The following CTDNEP1 variants were observed in gnomAD, a reference collection of about 807,000 sequenced individuals.
CTDNEP1 encodes CTD nuclear envelope phosphatase 1.
A neutral mutation model predicts 30.1 loss-of-function variants in CTDNEP1; 3 were observed. The ratio of observed to expected loss-of-function variants is 0.10; its 90% CI spans 0.05 to 0.26. The LOEUF (loss-of-function observed/expected upper bound fraction) is 0.26, where lower values mean the gene tolerates loss of function less well. Ranked by LOEUF, CTDNEP1 falls within the 10% of genes least tolerant of loss-of-function variation. The pLI is 1.00. For synonymous variants in CTDNEP1, 123 were observed against 118.8 expected, an observed-to-expected ratio of 1.04 and a Z score of -0.23; for missense variants, 158 against 310.4, an observed-to-expected ratio of 0.51 and a Z score of 3.69.
At position 7,251,393 on chromosome 17, in the gene CTDNEP1, G is replaced by T. The variant is rs1303237542; in HGVS notation, c.-97C>A. ...CCCGCCGCCGGGAGGGGGAACGGGG[G>T]CCCCGAGTGGCAGGAGAGGCTGCAG... On this transcript the variant is annotated 5_prime_UTR_variant, in exon 1 of 8. Coordinates refer to ENST00000574322, the MANE Select transcript of CTDNEP1 (RefSeq NM_001143775.2). 1.3e-6 allele frequency: 1 copy of T among 765,070 alleles called. No individual in the cohort carries two copies. The highest frequency in any genetic ancestry group is 1.9e-6 in the Non-Finnish European group (1 of 531,028). The allele number at this position is 765,070 out of a possible 1,614,324, so 47.4% of individuals were successfully genotyped here. A position where few individuals can be genotyped will look rare whatever the true frequency, so the allele number is the denominator to read the frequency against.
rs964014580 is a variant in CTDNEP1 at position 7,244,634 on chromosome 17, G to A, written c.591C>T (p.Asp197=). Residue 197 remains aspartate, a splice_region_variant and synonymous_variant, in exon 7 of 8, where the codon GAC becomes GAT. Transcript: ENST00000574322. The part of the protein sequence containing the change: ...NSPGAYRSHP[D]NAIPIKSWFS... ...ACCAGGATTTGATGGGGATGGCATT[G>A]TCTAGGGTGGGTGAAAATGCAGATG... is the stretch of plus-strand genomic sequence containing the variant. 6.3e-7 allele frequency: 1 copy of A among 1,585,328 alleles called. No homozygotes were observed. The highest frequency in any genetic ancestry group is 8.6e-7 in the Non-Finnish European group (1 of 1,169,052).
chr17:7,250,105 C>T (rs978038730), intron 1 of CTDNEP1, among the ~76,000 whole-genome samples: 1 of 152,044 alleles, frequency 6.6e-6, no homozygotes, highest in Admixed American at 6.6e-5. Flanking sequence ...CAAGGCCAGA[C>T]CCATTCTCCC....
chr17:7,244,268 T>C, intron 7 of CTDNEP1, 23 bp from the exon 8 acceptor site: 1 of 1,613,300 alleles, frequency 6.2e-7, no homozygotes, highest in Non-Finnish European at 8.5e-7. Flanking sequence ...TAACTTGCAT[T>C]GGTAGAGTAC....
chr17:7,248,809 G>A (rs1232182075), intron 1 of CTDNEP1, among the ~76,000 whole-genome samples: 2 of 152,188 alleles, frequency 1.3e-5, no homozygotes, highest in Non-Finnish European at 2.9e-5. Flanking sequence ...AGTAGGAGTC[G>A]GGAGGAGATC....
intron 6 of CTDNEP1, chr17:7,244,923 C>G: frequency 3.4e-6 from 1 of 297,256 alleles, no homozygotes; most frequent in Non-Finnish European, 6.4e-6. Flanking sequence ...TTTGAGAGGC[C>G]GAGGTGGGAG....
chr17:7,248,362 CTTTTTT>C (rs796375773), intron 1 of CTDNEP1, among the ~76,000 whole-genome samples: 9 of 94,372 alleles, frequency 9.5e-5, no homozygotes, highest in Non-Finnish European at 1.8e-4. Flanking sequence ...CTTTTTTTTT[CTTTTTT>C]TTTTTTTTGA....
chr17:7,243,895 T>C lies in CTDNEP1; in HGVS notation c.*290A>G. 5 of 1,255,832 alleles carry C rather than the reference T, an allele frequency of 4.0e-6. No homozygotes were observed. The highest frequency in any genetic ancestry group is 5.1e-6 in the Non-Finnish European group (5 of 983,542). 77.8% of individuals were successfully genotyped at this position (1,255,832 alleles called of 1,614,324 possible). A position where few individuals can be genotyped will look rare whatever the true frequency, so the allele number is the denominator to read the frequency against. On this transcript the variant is annotated 3_prime_UTR_variant, in exon 8 of 8. Coordinates refer to ENST00000574322, the MANE Select transcript of CTDNEP1 (RefSeq NM_001143775.2). The stretch of plus-strand genomic sequence containing the variant: ...ACCGTATGTCTGTCACTCTGGCCAG[T>C]CCTGCCTCTTCACAAACACTGATTC...
Position 7,246,931 on chromosome 17 carries a change from C to G in CTDNEP1, c.289-69G>C. On this transcript the variant is annotated intron_variant, in intron 3 of 7. Coordinates refer to ENST00000574322, the MANE Select transcript of CTDNEP1 (RefSeq NM_001143775.2). This position sits in a 1 kb window ranked among gnomAD's most constrained non-coding sequence, Gnocchi z 4.9. ...AACCCAGGCCTAGAAAACGCCCCAC[C>G]CATCTGCTTCCCTCCTCCAGGCTGA... The G allele has an allele frequency of 6.8e-7, 1 of 1,465,364 alleles. No homozygotes were observed. The highest frequency in any genetic ancestry group is 9.5e-7 in the Non-Finnish European group (1 of 1,047,410). 90.8% of individuals were successfully genotyped at this position (1,465,364 alleles called of 1,614,324 possible).
intron 1 of CTDNEP1, among the ~76,000 whole-genome samples, chr17:7,249,637 G>A (rs2071886842): frequency 6.6e-6 from 1 of 152,210 alleles, no homozygotes; most frequent in Non-Finnish European, 1.5e-5. Context: ...ACCGCTGGAG[G>A]CCGGGTGCAG....
upstream of CTDNEP1, chr17:7,251,955 G>C (rs1015452335): frequency 1.3e-5 from 2 of 159,008 alleles, no homozygotes; most frequent in African/African-American, 4.8e-5. Flanking sequence ...TCTGACAGGC[G>C]CCATTTTACC....
Position 7,244,392 on chromosome 17 carries a change from G to A in CTDNEP1, c.675-147C>T, listed in dbSNP as rs564262514. On this transcript the variant is annotated intron_variant, in intron 7 of 7. Transcript: ENST00000574322. ...GGTTCAATTTGCCCACAGCCTACTA[G>A]CTAAAGTGATGAGCTTTGAAGTAAG... The A allele has an allele frequency of 1.4e-5, 17 of 1,198,456 alleles. 1 individual carries two copies. The South Asian group carries it at 1.9e-4, about 14-fold the overall frequency. 74.2% of individuals were successfully genotyped at this position (1,198,456 alleles called of 1,614,324 possible).
chr17:7,244,780 T>C, intron 6 of CTDNEP1, 145 bp from the exon 7 acceptor site: 1 of 626,702 alleles, frequency 1.6e-6, no homozygotes, highest in South Asian at 2.0e-5. Context: ...ACTTTCCTGG[T>C]TTATGCTCCG....
Position 7,246,408 on chromosome 17 carries a change from G to A in CTDNEP1, c.361-38C>T, listed in dbSNP as rs768103892. 7 of 1,411,192 alleles carry A rather than the reference G, an allele frequency of 5.0e-6. No homozygotes were observed. The highest frequency in any genetic ancestry group is 2.3e-4 in the Middle Eastern group (1 of 4,280). The allele number at this position is 1,411,192 out of a possible 1,614,324, so 87.4% of individuals were successfully genotyped here. ...GGGGGAGAGGGCGATGCCATACAAG[G>A]TGATGATTCCTTTAGACATACAGTT... On this transcript the variant is annotated intron_variant, in intron 4 of 7. Coordinates refer to ENST00000574322, the MANE Select transcript of CTDNEP1 (RefSeq NM_001143775.2). This position sits in a 1 kb window ranked among gnomAD's most constrained non-coding sequence, Gnocchi z 4.9.
At chr17:7,248,509 G>A (rs567005541) in intron 1 of CTDNEP1, among the ~76,000 whole-genome samples, 2 of 150,510 alleles carry the variant, frequency 1.3e-5, no homozygotes, top group South Asian at 2.1e-4. Context: ...ATAGGCGCGC[G>A]AACCACGCCC....
At chr17:7,247,638 T>A (rs2071860387) in intron 1 of CTDNEP1, among the ~76,000 whole-genome samples, 1 of 151,874 alleles carries the variant, frequency 6.6e-6, no homozygotes, top group Admixed American at 6.6e-5. Flanking sequence ...TCGGCTCATT[T>A]TTGTATTTCT....
intron 2 of CTDNEP1, 44 bp downstream of exon 2, chr17:7,247,233 A>G (rs2074217): frequency 0.62 from 993,749 of 1,609,056 alleles, 310,475 homozygotes; most frequent in African/African-American, 0.78. Flanking sequence ...ACCCAGAGCT[A>G]GCCCCTACTT....
rs1162795499 is a variant in CTDNEP1 at position 7,246,595 on chromosome 17, C to T, written c.360+196G>A. On this transcript the variant is annotated intron_variant, in intron 4 of 7. Coordinates refer to ENST00000574322, the MANE Select transcript of CTDNEP1 (RefSeq NM_001143775.2). This position sits in a 1 kb window ranked among gnomAD's most constrained non-coding sequence, Gnocchi z 4.9. ...ATGCAAGAACAAAAGAGAAAGATGCCAGCGGAAAAGAATTACATCAGCACA... is the reference window on the plus strand; with the variant it reads ...ATGCAAGAACAAAAGAGAAAGATGCTAGCGGAAAAGAATTACATCAGCACA... The T allele has an allele frequency of 1.1e-5, 7 of 663,026 alleles. No individual in the cohort carries two copies. The highest frequency in any genetic ancestry group is 1.9e-5 in the Non-Finnish European group (7 of 373,100). The allele number at this position is 663,026 out of a possible 1,614,324, so 41.1% of individuals were successfully genotyped here.
chr17:7,244,307 T>A, intron 7 of CTDNEP1, 62 bp from the exon 8 acceptor site: 1 of 1,556,392 alleles, frequency 6.4e-7, no homozygotes, highest in Non-Finnish European at 8.9e-7. Flanking sequence ...ACAACACTCT[T>A]GTAAGGCAGC....
At chr17:7,248,090 G>A (rs1050425143) in intron 1 of CTDNEP1, among the ~76,000 whole-genome samples, 11 of 150,696 alleles carry the variant, frequency 7.3e-5, no homozygotes, top group Non-Finnish European at 1.3e-4. Flanking sequence ...GTGAAACCCC[G>A]TCTCTACTAA....
Sources: allele counts gnomAD v4.1 joint callset (sites outside exome capture counted in the v4.1 genomes callset), GRCh38; gene constraint gnomAD v4.1.1; non-coding constraint Gnocchi (gnomAD v3.1); transcripts MANE v1.5; gene names NCBI Gene and HGNC (gene_info 2026-07-23, HGNC 2026-07-21).